The following CACNA2D3 variants were observed in gnomAD, a reference collection of about 807,000 sequenced individuals.
The protein encoded by CACNA2D3 is calcium voltage-gated channel auxiliary subunit alpha2delta 3, also known as voltage-dependent calcium channel subunit alpha-2/delta-3.
A neutral mutation model predicts 160.6 loss-of-function variants in CACNA2D3; 60 were observed. That is an observed-to-expected ratio of 0.37 (90% confidence interval 0.30 to 0.46). The LOEUF is 0.46. CACNA2D3 is among the 20% of genes least tolerant of loss of function. The pLI, the probability that CACNA2D3 is intolerant of heterozygous loss-of-function variation, is 1.00. For missense variants in CACNA2D3, 1,205 were observed against 1,365.0 expected (o/e 0.88, Z 1.85); for synonymous variants, 558 against 492.9 (o/e 1.13, Z -1.75).
chr3:55,037,070 A>G (rs1399004102), intron 35 of CACNA2D3, among the ~76,000 whole-genome samples: 1 of 152,162 alleles, frequency 6.6e-6, no homozygotes, highest in African/African-American at 2.4e-5. Context: ...CTCGTGTATA[A>G]CACAATAGGA....
At chr3:54,663,322 G>T (rs1302433977) in intron 11 of CACNA2D3, among the ~76,000 whole-genome samples, 1 of 152,196 alleles carries the variant, frequency 6.6e-6, no homozygotes, top group Non-Finnish European at 1.5e-5. Context: ...TTTAGAGGCA[G>T]TGTGGCACCT....
intron 2 of CACNA2D3, among the ~76,000 whole-genome samples, chr3:54,170,258 C>G (rs981771301): frequency 2.6e-5 from 4 of 151,704 alleles, no homozygotes; most frequent in African/African-American, 4.9e-5. Flanking sequence ...CAACAGGTAC[C>G]CAGGCGGTTC....
intron 13 of CACNA2D3, among the ~76,000 whole-genome samples, chr3:54,784,299 G>A (rs1428594332): frequency 6.6e-6 from 1 of 152,194 alleles, no homozygotes; most frequent in Admixed American, 6.5e-5. Flanking sequence ...TGCGGCTCGT[G>A]CTGGAGGCCT....
At chr3:55,041,874 T>C (rs1205096012) in intron 35 of CACNA2D3, among the ~76,000 whole-genome samples, 1 of 152,144 alleles carries the variant, frequency 6.6e-6, no homozygotes, top group African/African-American at 2.4e-5. Context: ...GTAGTTTAAA[T>C]ATTTTCTAAT....
At chr3:54,271,430 A>G (rs1702620057) in intron 2 of CACNA2D3, among the ~76,000 whole-genome samples, 1 of 152,060 alleles carries the variant, frequency 6.6e-6, no homozygotes, top group Admixed American at 6.6e-5. Flanking sequence ...TGTCATCCCA[A>G]CACTTGAAGG....
At chr3:55,010,461 CAAT>C (rs767836244) in intron 34 of CACNA2D3, among the ~76,000 whole-genome samples, 5 of 152,190 alleles carry the variant, frequency 3.3e-5, no homozygotes, top group Non-Finnish European at 7.3e-5. Context: ...GTGACCATGA[CAAT>C]GATGATGATC....
At chr3:54,856,743 C>A (rs907946628) in intron 17 of CACNA2D3, among the ~76,000 whole-genome samples, 2 of 152,126 alleles carry the variant, frequency 1.3e-5, no homozygotes, top group Non-Finnish European at 2.9e-5. Flanking sequence ...GTTAGATGGT[C>A]AGGGAGACCC....
intron 2 of CACNA2D3, among the ~76,000 whole-genome samples, chr3:54,282,656 C>A (rs917648548): frequency 6.6e-6 from 1 of 152,138 alleles, no homozygotes; most frequent in Non-Finnish European, 1.5e-5. Flanking sequence ...ATGTGCTGGG[C>A]TCTGGGTATG....
intron 4 of CACNA2D3, among the ~76,000 whole-genome samples, chr3:54,464,602 T>C (rs1446736722): frequency 6.6e-6 from 1 of 152,184 alleles, no homozygotes; most frequent in Non-Finnish European, 1.5e-5. Context: ...AATCTCCTGG[T>C]GTGCCGTTTT....
intron 9 of CACNA2D3, among the ~76,000 whole-genome samples, chr3:54,603,065 A>G (rs1703093584): frequency 6.6e-6 from 1 of 152,150 alleles, no homozygotes; most frequent in African/African-American, 2.4e-5. Flanking sequence ...ACTATCAACA[A>G]ATGTGTGGAA....
intron 4 of CACNA2D3, among the ~76,000 whole-genome samples, chr3:54,452,066 T>G (rs2106819438): frequency 6.6e-6 from 1 of 152,328 alleles, no homozygotes; most frequent in South Asian, 2.1e-4. Flanking sequence ...ACTAGCGACA[T>G]TCTGTTCATG....
At chr3:54,563,059 A>C (rs1702352285) in intron 6 of CACNA2D3, 128 bp downstream of exon 6, 2 of 867,018 alleles carry the variant, frequency 2.3e-6, no homozygotes, top group Non-Finnish European at 3.4e-6. Flanking sequence ...TGAATTCCAA[A>C]CCTATTGTCA....
chr3:54,365,397 T>C (rs1219136927), intron 3 of CACNA2D3, among the ~76,000 whole-genome samples: 2 of 152,234 alleles, frequency 1.3e-5, no homozygotes, highest in Admixed American at 6.5e-5. Context: ...AAAGAAGTCA[T>C]GAGGAGGAAG....
At chr3:54,381,744 C>G (rs940981163) in intron 3 of CACNA2D3, among the ~76,000 whole-genome samples, 1 of 152,160 alleles carries the variant, frequency 6.6e-6, no homozygotes, top group Non-Finnish European at 1.5e-5. Flanking sequence ...CCCGCTATTC[C>G]CCTTGGCAGC....
intron 5 of CACNA2D3, among the ~76,000 whole-genome samples, chr3:54,513,015 C>T (rs1464872316): frequency 6.6e-6 from 1 of 152,122 alleles, no homozygotes; most frequent in Admixed American, 6.5e-5. Context: ...GAGTTATTCA[C>T]TATCATGAGA....
chr3:54,660,193 C>T (rs1273723163), intron 11 of CACNA2D3, among the ~76,000 whole-genome samples: 4 of 147,810 alleles, frequency 2.7e-5, no homozygotes, highest in African/African-American at 1.0e-4. Context: ...CAGAGTCTTG[C>T]TCTGTCGCCC....
In CACNA2D3 at chr3:54,723,007, G is replaced by T. The variant is rs565502848; in HGVS notation, c.1168-29592G>T. Reference sequence around the variant, plus strand: ...AGCTGCACCCATAGCCGCCCCCTCCGCCAGGTACTCTGTCCCAGAGAGATG... The same window carrying T: ...AGCTGCACCCATAGCCGCCCCCTCCTCCAGGTACTCTGTCCCAGAGAGATG... On this transcript the variant is annotated intron_variant, in intron 11 of 37. Coordinates refer to ENST00000474759, the MANE Select transcript of CACNA2D3 (RefSeq NM_018398.3). Among the ~76,000 whole-genome samples the T allele has an allele frequency of 6.2e-4, 95 of 152,304 alleles. No individual in the cohort carries two copies. In the South Asian group the frequency reaches 0.017, roughly 27 times the overall value.
At chr3:54,763,256 C>T (rs979516376) in intron 12 of CACNA2D3, among the ~76,000 whole-genome samples, 1 of 152,068 alleles carries the variant, frequency 6.6e-6, no homozygotes, top group South Asian at 2.1e-4. Context: ...AACCTGGACT[C>T]ATCATCTGTA....
At chr3:54,859,844 T>C (rs576204837) in intron 17 of CACNA2D3, among the ~76,000 whole-genome samples, 1 of 152,202 alleles carries the variant, frequency 6.6e-6, no homozygotes, top group East Asian at 1.9e-4. Context: ...GCCATGACAG[T>C]TTCTTTCCTT....
Sources: gnomAD v4.1 joint callset for allele counts (sites outside exome capture counted in the v4.1 genomes callset) on GRCh38, gnomAD v4.1.1 for gene constraint, MANE v1.5 for transcripts, NCBI Gene and HGNC (gene_info 2026-07-23, HGNC 2026-07-21) for gene names.